PCDH15: variants seen among roughly 807,000 people sequenced by gnomAD.
The protein encoded by PCDH15 is protocadherin-15.
PCDH15 carries 129 observed loss-of-function variants against 178.5 expected under a neutral mutation model. The observed-to-expected ratio is 0.72, with a 90% CI of 0.63 to 0.84. The LOEUF (loss-of-function observed/expected upper bound fraction) is 0.84. Among genes scored for constraint, PCDH15 ranks in the 40% least tolerant of loss-of-function variants. The probability of loss-of-function intolerance (pLI) is 0.00; values close to 1 mark genes in which losing one functional copy is unlikely to be tolerated. For missense variants in PCDH15, 2,230 were observed against 2,099.9 expected (o/e 1.06, Z -1.21); for synonymous variants, 800 against 732.0 (o/e 1.09, Z -1.50).
At chr10:55,567,308 G>A (rs539311706) in intron 2 of PCDH15, among the ~76,000 whole-genome samples, 4 of 151,708 alleles carry the variant, frequency 2.6e-5, no homozygotes, top group African/African-American at 7.2e-5. Flanking sequence ...TAAATGGAAG[G>A]CCTAAAACTA....
chr10:53,826,555 T>G (rs2076691722), intron 32 of PCDH15, among the ~76,000 whole-genome samples: 1 of 151,760 alleles, frequency 6.6e-6, no homozygotes, highest in Admixed American at 6.5e-5. Context: ...AATTGTAAAA[T>G]ATTCTTGGTT....
intron 2 of PCDH15, among the ~76,000 whole-genome samples, chr10:55,618,444 A>G (rs1843521621): frequency 1.3e-5 from 2 of 152,202 alleles, no homozygotes; most frequent in African/African-American, 2.4e-5. Flanking sequence ...AAATATTCAT[A>G]TAGTTTACCT....
intron 26 of PCDH15, among the ~76,000 whole-genome samples, chr10:53,901,455 T>C (rs896954408): frequency 6.6e-6 from 1 of 152,102 alleles, no homozygotes; most frequent in Non-Finnish European, 1.5e-5. Context: ...CCATAGCCTA[T>C]CAACGTCGTT....
chr10:54,821,075 A>C (rs1302773035), intron 3 of PCDH15, among the ~76,000 whole-genome samples: 2 of 152,022 alleles, frequency 1.3e-5, no homozygotes, highest in African/African-American at 4.8e-5. Flanking sequence ...AGTCTTGATT[A>C]TTTCCAGAAA....
intron 25 of PCDH15, among the ~76,000 whole-genome samples, chr10:53,913,508 C>A (rs1277630173): frequency 6.6e-6 from 1 of 150,426 alleles, no homozygotes; most frequent in Non-Finnish European, 1.5e-5. Context: ...CTGAGGCAGG[C>A]GAATCACGAG....
chr10:54,631,525 G>A (rs142094270), intron 2 of PCDH15, among the ~76,000 whole-genome samples: 75 of 152,170 alleles, frequency 4.9e-4, no homozygotes, highest in African/African-American at 1.5e-3. Context: ...CAGAACTACC[G>A]TTAGACCCAG....
chr10:55,289,708 G>T (rs528519941), intron 1 of PCDH15, among the ~76,000 whole-genome samples: 2 of 152,088 alleles, frequency 1.3e-5, no homozygotes, highest in Admixed American at 1.3e-4. Flanking sequence ...CTATTGCTAT[G>T]GTTTGAATGT....
At chr10:53,829,315 A>C (rs1211384257) in intron 30 of PCDH15, among the ~76,000 whole-genome samples, 2 of 152,190 alleles carry the variant, frequency 1.3e-5, no homozygotes, top group African/African-American at 2.4e-5. Context: ...ATGCGTCTAT[A>C]AATTATTTAA....
intron 2 of PCDH15, among the ~76,000 whole-genome samples, chr10:55,036,516 G>T (rs980645943): frequency 6.6e-6 from 1 of 152,090 alleles, no homozygotes; most frequent in African/African-American, 2.4e-5. Context: ...GAAAATATGA[G>T]CTCTGAGTTT....
chr10:53,944,189 T>A (rs967894886), intron 23 of PCDH15, among the ~76,000 whole-genome samples: 1 of 152,184 alleles, frequency 6.6e-6, no homozygotes, highest in African/African-American at 2.4e-5. Context: ...GATTTGTAAA[T>A]CAATAAAGGA....
chr10:55,013,428 A>G (rs1342974098), intron 2 of PCDH15, among the ~76,000 whole-genome samples: 1 of 132,044 alleles, frequency 7.6e-6, no homozygotes, highest in African/African-American at 2.9e-5. Flanking sequence ...GGCAATTTGA[A>G]CCTCTTTTTC....
chr10:55,307,284 C>T (rs1197811386), intron 1 of PCDH15, among the ~76,000 whole-genome samples: 4 of 151,950 alleles, frequency 2.6e-5, no homozygotes, highest in Non-Finnish European at 4.4e-5. Flanking sequence ...AGGCGGATCA[C>T]GAGGTCAGGA....
intron 2 of PCDH15, among the ~76,000 whole-genome samples, chr10:54,561,025 T>C (rs565958928): frequency 8.5e-5 from 13 of 152,256 alleles, no homozygotes; most frequent in African/African-American, 2.9e-4. Flanking sequence ...ACTCTGTTAA[T>C]GTGAACACAG....
intron 11 of PCDH15, among the ~76,000 whole-genome samples, chr10:54,195,192 T>A (rs2049480846): frequency 6.6e-6 from 1 of 152,176 alleles, no homozygotes; most frequent in Non-Finnish European, 1.5e-5. Context: ...AGACAATGAT[T>A]TGTGGAGTGA....
intron 26 of PCDH15, among the ~76,000 whole-genome samples, chr10:53,888,701 AT>A (rs374625992): frequency 0.017 from 450 of 26,802 alleles, 119 homozygotes; most frequent in East Asian, 0.081. Flanking sequence ...ATATATATAT[AT>A]ATCTCCTGTG....
At chr10:54,680,421 T>C (rs775821152) in intron 1 of PCDH15, among the ~76,000 whole-genome samples, 14 of 152,194 alleles carry the variant, frequency 9.2e-5, no homozygotes, top group Non-Finnish European at 2.1e-4. Flanking sequence ...TTTCACCTTG[T>C]TTGAAATGTA....
rs150650289 is a variant in PCDH15 at position 55,342,356 on chromosome 10, G to T, written c.-155-175705C>A. On this transcript the variant is annotated intron_variant, in intron 2 of 5. Transcript: ENST00000613346. ...AATTTAAAAGTAGTTTATATAATTT[G>T]TTTTATCTGTCTTTTCTAATATTCT... is the stretch of plus-strand genomic sequence containing the variant. Among the ~76,000 whole-genome samples, 305 of 151,958 alleles carry T rather than the reference G, an allele frequency of 2.0e-3. 2 individuals carry two copies. The highest frequency in any genetic ancestry group is 7.3e-3 in the African/African-American group (302 of 41,506).
intron 9 of PCDH15, among the ~76,000 whole-genome samples, chr10:54,216,714 A>T (rs2052108842): frequency 6.6e-6 from 1 of 152,150 alleles, no homozygotes; most frequent in Non-Finnish European, 1.5e-5. Context: ...AGTGTTGTAA[A>T]ATTTATGAAG....
At chr10:54,949,191 G>C (rs995307182) in intron 2 of PCDH15, among the ~76,000 whole-genome samples, 1 of 151,802 alleles carries the variant, frequency 6.6e-6, no homozygotes, top group South Asian at 2.1e-4. Flanking sequence ...CCTGAGACTG[G>C]GTAATTTATT....
Sources: allele counts gnomAD v4.1 joint callset (sites outside exome capture counted in the v4.1 genomes callset), GRCh38; gene constraint gnomAD v4.1.1; transcripts MANE v1.5; gene names NCBI Gene and HGNC (gene_info 2026-07-23, HGNC 2026-07-21).